The following VWA8 variants were observed in gnomAD, a reference collection of about 807,000 sequenced individuals.
VWA8 encodes the protein von Willebrand factor A domain-containing protein 8.
A neutral mutation model predicts 241.5 loss-of-function variants in VWA8; 221 were observed. The observed-to-expected ratio is 0.91, with a 90% CI of 0.82 to 1.02. VWA8 has a LOEUF of 1.02. Ranked by LOEUF, VWA8 falls within the 50% of genes least tolerant of loss-of-function variation. The pLI is 0.00. For missense variants in VWA8, 2,322 were observed against 2,328.7 expected, an observed-to-expected ratio of 1.00 and a Z score of 0.06; for synonymous variants, 852 against 827.1, an observed-to-expected ratio of 1.03 and a Z score of -0.52.
intron 37 of VWA8, among the ~76,000 whole-genome samples, chr13:41,631,597 CT>C (rs1236302568): frequency 6.6e-6 from 1 of 152,130 alleles, no homozygotes; most frequent in East Asian, 1.9e-4. Flanking sequence ...TCCAAAGCAA[CT>C]GCTCATTTTA....
chr13:41,931,036 C>G (rs182316519), intron 2 of VWA8, among the ~76,000 whole-genome samples: 1 of 151,596 alleles, frequency 6.6e-6, no homozygotes, highest in Admixed American at 6.6e-5. Context: ...GTAGTCCCAG[C>G]TACTCAGGAG....
At chr13:41,631,177 A>T (rs2044723920) in intron 37 of VWA8, among the ~76,000 whole-genome samples, 1 of 151,782 alleles carries the variant, frequency 6.6e-6, no homozygotes, top group Non-Finnish European at 1.5e-5. Context: ...ACGCTACCAC[A>T]CCTAGCTAAT....
chr13:41,959,606 C>CTTTTTGTTTTTTTTTTT, intron 1 of VWA8, among the ~76,000 whole-genome samples: 1 of 79,648 alleles, frequency 1.3e-5, no homozygotes, highest in Non-Finnish European at 2.3e-5. Flanking sequence ...CCTAAATATG[C>CTTTTTGTTTTTTTTTTT]TTTTTTTTTT....
chr13:41,586,439 T>C (rs1014036099), intron 42 of VWA8, among the ~76,000 whole-genome samples: 2 of 152,224 alleles, frequency 1.3e-5, no homozygotes, highest in African/African-American at 4.8e-5. Flanking sequence ...ATTTGTATCC[T>C]GTACTTGGAC....
intron 4 of VWA8, among the ~76,000 whole-genome samples, chr13:41,901,865 CAAAAAAAAA>C (rs1167305999): frequency 3.9e-3 from 95 of 24,662 alleles, no homozygotes; most frequent in Admixed American, 9.9e-3. Context: ...GACTCCATCT[CAAAAAAAAA>C]AAAAAAAAAA....
At chr13:41,947,093 C>T (rs1397810003) in intron 2 of VWA8, among the ~76,000 whole-genome samples, 1 of 152,208 alleles carries the variant, frequency 6.6e-6, no homozygotes, top group African/African-American at 2.4e-5. Context: ...CCAACTCCCA[C>T]ACTGTTCCTT....
rs2045335921 is a variant in VWA8, at chr13:41,714,383, T to G, written c.3116+5208A>C. ...TCAACAGAATTAAGGGCAAAGAACT[T>G]GGAGCAGAGAGAATGAACATTTAAG... is the stretch of plus-strand genomic sequence containing the variant. On this transcript the variant is annotated intron_variant, in intron 26 of 44. Transcript: ENST00000379310. 2.6e-5 allele frequency among the ~76,000 whole-genome samples: 4 copies of G among 151,952 alleles called. 1 individual carries two copies. The highest frequency in any genetic ancestry group is 2.6e-4 in the Admixed American group (4 of 15,256).
intron 4 of VWA8, among the ~76,000 whole-genome samples, chr13:41,904,495 T>C (rs944132210): frequency 5.9e-5 from 9 of 152,152 alleles, no homozygotes; most frequent in African/African-American, 1.9e-4. Flanking sequence ...CTCACTCTTA[T>C]CTTCTCTGAG....
intron 24 of VWA8, among the ~76,000 whole-genome samples, chr13:41,726,496 T>A (rs532752724): frequency 7.9e-5 from 12 of 152,214 alleles, no homozygotes; most frequent in Non-Finnish European, 1.5e-4. Context: ...TCAATGTGAA[T>A]CAGTCTCCTC....
intron 12 of VWA8, among the ~76,000 whole-genome samples, chr13:41,852,940 G>A (rs9566865): frequency 0.24 from 36,876 of 152,010 alleles, 5,314 homozygotes; most frequent in Non-Finnish European, 0.31. Context: ...GTATTCTGTG[G>A]TTCCATATGA....
chr13:41,819,266 G>A lies in VWA8; in HGVS notation c.1821C>T (p.Tyr607=). The A allele has an allele frequency of 6.2e-7, 1 of 1,612,638 alleles. No homozygotes were observed. Among genetic ancestry groups the A allele is most frequent in the Middle Eastern group, 1.6e-4 (1 of 6,062 alleles). ...CTTCACTTTTCACAAGTGGTTTCAT[G>A]TAATGGAAAAAGAACATGGTTAAGA... ...PEFLTMFFFH[Y]MKPLVKSEEI... is the part of the protein sequence containing the mutation. Residue 607 remains tyrosine (Y), a synonymous_variant, in exon 15 of 45, where the codon TAC becomes TAT. Coordinates refer to ENST00000379310, the MANE Select transcript of VWA8 (RefSeq NM_015058.2).
chr13:41,665,994 T>C (rs933000753), intron 37 of VWA8, among the ~76,000 whole-genome samples: 1 of 152,164 alleles, frequency 6.6e-6, no homozygotes, highest in African/African-American at 2.4e-5. Context: ...AAAAAGTTAA[T>C]GAAACCTCAC....
At chr13:41,869,614 G>C (rs1452425814) in intron 9 of VWA8, among the ~76,000 whole-genome samples, 3 of 103,368 alleles carry the variant, frequency 2.9e-5, no homozygotes, top group Middle Eastern at 0.012. Context: ...CTGGGCAACA[G>C]AGCGAAAACT....
At chr13:41,784,727 T>TATATATATATATATACAC (rs1555335045) in intron 18 of VWA8, among the ~76,000 whole-genome samples, 1 of 69,032 alleles carries the variant, frequency 1.4e-5, no homozygotes, top group Non-Finnish European at 3.2e-5. Context: ...TATATATATA[T>TATATATATATATATACAC]ATACACACAC....
intron 4 of VWA8, among the ~76,000 whole-genome samples, chr13:41,901,108 A>ATTTTTTTTTTT (rs34752001): frequency 8.1e-6 from 1 of 123,580 alleles, no homozygotes; most frequent in Non-Finnish European, 1.7e-5. Flanking sequence ...CATGATCATC[A>ATTTTTTTTTTT]TTTTTTTTTT....
intron 26 of VWA8, among the ~76,000 whole-genome samples, chr13:41,714,322 T>C (rs1053420657): frequency 2.0e-5 from 3 of 151,930 alleles, no homozygotes; most frequent in Non-Finnish European, 4.4e-5. Flanking sequence ...ATGAAGTAAG[T>C]AGTTTAACAT....
intron 37 of VWA8, among the ~76,000 whole-genome samples, chr13:41,639,537 C>T (rs2044781527): frequency 6.6e-6 from 1 of 152,186 alleles, no homozygotes. Flanking sequence ...GGCTAAAGGC[C>T]ACAGTCCATA....
chr13:41,571,315 C>CTCTCCCTCTCCCG (rs1471090868), intron 43 of VWA8, among the ~76,000 whole-genome samples: 6 of 105,854 alleles, frequency 5.7e-5, no homozygotes, highest in African/African-American at 2.1e-4. Context: ...TCCCTCCTCC[C>CTCTCCCTCTCCCG]TCTCCCTCTC....
intron 21 of VWA8, among the ~76,000 whole-genome samples, chr13:41,753,356 T>C (rs987215492): frequency 4.6e-5 from 7 of 152,148 alleles, no homozygotes; most frequent in Admixed American, 3.9e-4. Context: ...GACTTTAATC[T>C]TGTCTAAAAT....
Sources: allele counts gnomAD v4.1 joint callset (sites outside exome capture counted in the v4.1 genomes callset), GRCh38; gene constraint gnomAD v4.1.1; transcripts MANE v1.5; gene names NCBI Gene and HGNC (gene_info 2026-07-23, HGNC 2026-07-21).